The following CADPS2 variants were observed in gnomAD, a reference collection of about 807,000 sequenced individuals.
CADPS2 encodes calcium dependent secretion activator 2, also known as calcium-dependent secretion activator 2.
Under a neutral mutation model 172.5 loss-of-function variants are expected in CADPS2, and 93 were observed. That is an observed-to-expected ratio of 0.54 (90% CI 0.46 to 0.64). The LOEUF is 0.64. Among genes scored for constraint, CADPS2 ranks in the 30% least tolerant of loss-of-function variants. The pLI is 0.00. For synonymous variants in CADPS2, 546 were observed against 555.2 expected (o/e 0.98, Z 0.23); for missense variants, 1,420 against 1,565.9 (o/e 0.91, Z 1.57).
At chr7:122,417,968 G>A (rs56144255) in intron 17 of CADPS2, among the ~76,000 whole-genome samples, 1 of 151,828 alleles carries the variant, frequency 6.6e-6, no homozygotes, top group Non-Finnish European at 1.5e-5. Flanking sequence ...TCAGGAGTTC[G>A]AAACCAGCCT....
chr7:122,738,066 G>C (rs1160268253), intron 1 of CADPS2, among the ~76,000 whole-genome samples: 3 of 152,242 alleles, frequency 2.0e-5, no homozygotes, highest in Admixed American at 6.5e-5. Context: ...AGGAGAAAAT[G>C]CTCTGAACTG....
At chr7:122,722,359 T>G (rs1029067128) in intron 2 of CADPS2, among the ~76,000 whole-genome samples, 3 of 151,752 alleles carry the variant, frequency 2.0e-5, no homozygotes, top group South Asian at 2.1e-4. Context: ...GGATACAAAA[T>G]CAATGTGCAA....
intron 3 of CADPS2, among the ~76,000 whole-genome samples, chr7:122,637,635 C>G (rs1314527709): frequency 2.0e-5 from 3 of 152,156 alleles, no homozygotes; most frequent in African/African-American, 7.2e-5. Context: ...TTTGTTGCTA[C>G]CCAGATTCTG....
At chr7:122,563,914 C>G (rs2066074961) in intron 7 of CADPS2, among the ~76,000 whole-genome samples, 1 of 152,120 alleles carries the variant, frequency 6.6e-6, no homozygotes, top group Admixed American at 6.6e-5. Flanking sequence ...TGCTCCAAAA[C>G]CCTAAACTTT....
chr7:122,482,433 C>T (rs915425295), intron 11 of CADPS2, among the ~76,000 whole-genome samples: 1 of 152,044 alleles, frequency 6.6e-6, no homozygotes, highest in Non-Finnish European at 1.5e-5. Flanking sequence ...CCACTCCCTG[C>T]CCCAAAACAA....
At chr7:122,815,581 T>A (rs1352806309) in intron 1 of CADPS2, among the ~76,000 whole-genome samples, 1 of 150,492 alleles carries the variant, frequency 6.6e-6, no homozygotes, top group Non-Finnish European at 1.5e-5. Flanking sequence ...GCAATAGACC[T>A]GGAGGAAAAA....
intron 9 of CADPS2, among the ~76,000 whole-genome samples, chr7:122,498,408 T>C (rs1431465539): frequency 6.6e-6 from 1 of 152,202 alleles, no homozygotes; most frequent in African/African-American, 2.4e-5. Context: ...AATCTTCCCA[T>C]TATCTGTTTA....
intron 2 of CADPS2, among the ~76,000 whole-genome samples, chr7:122,723,096 A>T (rs2090654007): frequency 6.6e-6 from 1 of 152,092 alleles, no homozygotes; most frequent in South Asian, 2.1e-4. Context: ...AACCTAGGCA[A>T]TACCATTCAG....
Position 122,886,460 on chromosome 7 carries a change from T to C in CADPS2, c.-123A>G, listed in dbSNP as rs1824410537. On this transcript the variant is annotated 5_prime_UTR_variant, in exon 1 of 30. Transcript: ENST00000449022. Reference sequence around the variant, plus strand: ...AGCGGCCGCAGAACGAAAGGAAAACTGGCCAGGGCTTTCCGGACACGTCGA... The same window carrying C: ...AGCGGCCGCAGAACGAAAGGAAAACCGGCCAGGGCTTTCCGGACACGTCGA... 8 of 1,293,528 alleles carry C rather than the reference T, an allele frequency of 6.2e-6. No individual in the cohort carries two copies. Among genetic ancestry groups the C allele is most frequent in the Non-Finnish European group, 8.0e-6 (8 of 1,000,738 alleles). 80.1% of individuals were successfully genotyped at this position (1,293,528 alleles called of 1,614,324 possible).
rs373779783 is a variant in CADPS2 at position 122,554,643 on chromosome 7, T to G, written c.1382A>C (p.His461Pro). Residue 461 changes from histidine (H) to proline (P), a missense_variant, in exon 8 of 30, where the codon CAC (histidine) becomes CCC (proline). Physicochemically the swap from His to Pro is moderately conservative, Grantham distance 77 (BLOSUM62 -2). Coordinates refer to ENST00000449022, the MANE Select transcript of CADPS2 (RefSeq NM_017954.11). Reference protein sequence around the residue: ...TSNSSKSAELHRMVVPKNSQD... With the variant: ...TSNSSKSAELPRMVVPKNSQD... ...GCTATTTTTTGGAACTACCATTCGG[T>G]GTAATTCAGCTGATTTGGAGCTATT... 6.2e-7 allele frequency: 1 copy of G among 1,611,302 alleles called. No individual in the cohort carries two copies. The highest frequency in any genetic ancestry group is 2.2e-5 in the East Asian group (1 of 44,674).
intron 1 of CADPS2, among the ~76,000 whole-genome samples, chr7:122,783,302 A>G (rs1329805936): frequency 6.6e-6 from 1 of 151,902 alleles, no homozygotes; most frequent in African/African-American, 2.4e-5. Flanking sequence ...TTTGTATTTA[A>G]TATAATAACT....
At chr7:122,340,226 T>C (rs1344753173) in intron 28 of CADPS2, among the ~76,000 whole-genome samples, 1 of 152,134 alleles carries the variant, frequency 6.6e-6, no homozygotes, top group Non-Finnish European at 1.5e-5. Flanking sequence ...CAAGACATCA[T>C]AACATTAAAA....
At chr7:122,659,159 G>A (rs1371094956) in intron 3 of CADPS2, among the ~76,000 whole-genome samples, 2 of 151,884 alleles carry the variant, frequency 1.3e-5, no homozygotes, top group African/African-American at 4.8e-5. Context: ...TCAGATACGA[G>A]ACAGATGTTA....
intron 1 of CADPS2, among the ~76,000 whole-genome samples, chr7:122,865,925 G>A (rs1028861894): frequency 3.9e-5 from 6 of 152,234 alleles, no homozygotes; most frequent in Non-Finnish European, 7.3e-5. Context: ...TCTGCAGGAA[G>A]TACTGTAAAG....
intron 14 of CADPS2, among the ~76,000 whole-genome samples, chr7:122,459,369 T>C (rs1182481917): frequency 1.3e-5 from 2 of 152,036 alleles, no homozygotes; most frequent in Non-Finnish European, 2.9e-5. Context: ...AATGTTTTCT[T>C]AAGAAAAATT....
At chr7:122,717,567 A>T (rs1018480213) in intron 2 of CADPS2, among the ~76,000 whole-genome samples, 2 of 152,142 alleles carry the variant, frequency 1.3e-5, no homozygotes, top group South Asian at 4.1e-4. Flanking sequence ...AGATGTAAAT[A>T]CTCAAAATGA....
At chr7:122,423,051 T>A (rs552764579) in intron 17 of CADPS2, among the ~76,000 whole-genome samples, 1 of 152,220 alleles carries the variant, frequency 6.6e-6, no homozygotes, top group Non-Finnish European at 1.5e-5. Flanking sequence ...GGATCCCCAG[T>A]CTACTCTAAT....
chr7:122,785,231 C>T (rs898139773), intron 1 of CADPS2, among the ~76,000 whole-genome samples: 3 of 152,192 alleles, frequency 2.0e-5, no homozygotes, highest in African/African-American at 7.2e-5. Flanking sequence ...TCCAACATTG[C>T]TACTTCACAT....
At chr7:122,816,582 A>G (rs1445418439) in intron 1 of CADPS2, among the ~76,000 whole-genome samples, 1 of 152,170 alleles carries the variant, frequency 6.6e-6, no homozygotes, top group Non-Finnish European at 1.5e-5. Flanking sequence ...CAGTAGTTCT[A>G]TTTTTAGTTT....
Sources: gnomAD v4.1 joint callset for allele counts (sites outside exome capture counted in the v4.1 genomes callset) on GRCh38, gnomAD v4.1.1 for gene constraint, MANE v1.5 for transcripts, NCBI Gene and HGNC (gene_info 2026-07-23, HGNC 2026-07-21) for gene names.